Variants in AGGF1 observed in about 807,000 individuals in gnomAD.
AGGF1 encodes the protein angiogenic factor with G patch and FHA domains 1.
Under a neutral mutation model 86.5 loss-of-function variants are expected in AGGF1, and 56 were observed. The observed-to-expected ratio is 0.65, with a 90% CI of 0.52 to 0.81. The LOEUF is 0.81. Among genes scored for constraint, AGGF1 ranks in the 30% least tolerant of loss-of-function variants. The pLI, the probability that AGGF1 is intolerant of heterozygous loss-of-function variation, is 0.00. For missense variants in AGGF1, 816 were observed against 850.9 expected, an observed-to-expected ratio of 0.96 and a Z score of 0.51; for synonymous variants, 313 against 297.1, an observed-to-expected ratio of 1.05 and a Z score of -0.55.
chr5:77,061,875 G>A (rs116177220), intron 13 of AGGF1, 73 bp downstream of exon 13: 36,293 of 1,394,958 alleles, frequency 0.026, 562 homozygotes, highest in Non-Finnish European at 0.03. Context: ...TGTGCCAAAC[G>A]TTGCCTTAAG....
At chr5:77,035,441 T>C in intron 2 of AGGF1, 100 bp from the exon 3 acceptor site, 4 of 837,338 alleles carry the variant, frequency 4.8e-6, no homozygotes, top group Non-Finnish European at 7.7e-6. Context: ...TTATTTGAAG[T>C]ATGTGCTTTT....
Position 77,030,542 on chromosome 5 carries a change from G to C in AGGF1, c.-225G>C, listed in dbSNP as rs1746819726. ...AGGAAAGTTTTCCGGTTTGCAGGCC[G>C]CGCACATCGGGCAGGGGCCATCCTC... On this transcript the variant is annotated 5_prime_UTR_variant, in exon 1 of 14. Coordinates refer to ENST00000312916, the MANE Select transcript of AGGF1 (RefSeq NM_018046.5). 2.9e-6 allele frequency: 2 copies of C among 694,990 alleles called. No homozygotes were observed. The highest frequency in any genetic ancestry group is 3.0e-5 in the South Asian group (2 of 66,756). The allele number at this position is 694,990 out of a possible 1,614,324, so 43.1% of individuals were successfully genotyped here.
chr5:77,030,718 GC>G lies in AGGF1; in HGVS notation c.-47del. 1 of 1,539,480 alleles carries G rather than the reference GC, an allele frequency of 6.5e-7. No individual in the cohort carries two copies. Among genetic ancestry groups the G allele is most frequent in the Non-Finnish European group, 8.7e-7 (1 of 1,148,060 alleles). On this transcript the variant is annotated 5_prime_UTR_variant, in exon 1 of 14. An upstream open reading frame in the 5' UTR loses its in-frame stop. Coordinates refer to ENST00000312916, the MANE Select transcript of AGGF1 (RefSeq NM_018046.5). Reference sequence around the variant, plus strand: ...TCTGGGTCCGCCGGCGTCCGTTTCGGCCTGAACGCAGCCCCTCCGCGGCGAC... The same window carrying G: ...TCTGGGTCCGCCGGCGTCCGTTTCGGCTGAACGCAGCCCCTCCGCGGCGAC...
chr5:77,054,858 GCATGAA>G (rs1747433332), intron 10 of AGGF1, among the ~76,000 whole-genome samples: 1 of 152,078 alleles, frequency 6.6e-6, no homozygotes, highest in African/African-American at 2.4e-5. Flanking sequence ...ATAAGCCAAG[GCATGAA>G]GGGTTATTGA....
intron 13 of AGGF1, 98 bp downstream of exon 13, chr5:77,061,900 T>C: frequency 8.7e-7 from 1 of 1,144,718 alleles, no homozygotes; most frequent in East Asian, 2.4e-5. Flanking sequence ...AAGAATATAG[T>C]AGAAAGCAAA....
chr5:77,039,590 T>C lies in AGGF1; in HGVS notation c.741T>C (p.Ser247=). The C allele has an allele frequency of 6.2e-7, 1 of 1,613,182 alleles. No homozygotes were observed. The highest frequency in any genetic ancestry group is 8.5e-7 in the Non-Finnish European group (1 of 1,179,552). Residue 247 remains serine (S), a synonymous_variant, in exon 5 of 14, where the codon AGT becomes AGC. Coordinates refer to ENST00000312916, the MANE Select transcript of AGGF1 (RefSeq NM_018046.5). The part of the protein sequence containing the change: ...TGIYYYCDVE[S]GRYQFHSRVD... The stretch of plus-strand genomic sequence containing the variant: ...TTTATTACTATTGTGATGTGGAAAG[T>C]GGTCGTTATCAGTTTCATTCTCGAG...
At chr5:77,046,279 A>G in intron 5 of AGGF1, 68 bp from the exon 6 acceptor site, 3 of 1,292,834 alleles carry the variant, frequency 2.3e-6, no homozygotes, top group South Asian at 1.2e-5. Context: ...ACTTGATGTA[A>G]TGTTATAAGA....
At chr5:77,055,763 G>T (rs929750765) in intron 11 of AGGF1, among the ~76,000 whole-genome samples, 167 bp downstream of exon 11, 1 of 152,186 alleles carries the variant, frequency 6.6e-6, no homozygotes, top group South Asian at 2.1e-4. Context: ...AACTATTGAA[G>T]TTGGAGTAGA....
In AGGF1 at chr5:77,063,408, A is replaced by AT. The variant is rs1459707597; in HGVS notation, c.*163dup. 6.1e-6 allele frequency: 5 copies of AT among 821,580 alleles called. No homozygotes were observed. Among genetic ancestry groups the AT allele is most frequent in the Non-Finnish European group, 7.6e-6 (4 of 525,344 alleles). 50.9% of individuals were successfully genotyped at this position (821,580 alleles called of 1,614,324 possible). ...GTATGGTTTGCAGCTTTTAAAAACC[A>AT]TTTTTTTAAAACTAATAAATAGTGA... On this transcript the variant is annotated 3_prime_UTR_variant, in exon 14 of 14. Transcript: ENST00000312916.
At chr5:77,037,835 A>T (rs545313344) in intron 4 of AGGF1, among the ~76,000 whole-genome samples, 3 of 152,344 alleles carry the variant, frequency 2.0e-5, no homozygotes, top group Admixed American at 6.5e-5. Flanking sequence ...TTAATATGGG[A>T]TCTAAAATAT....
Position 77,035,599 on chromosome 5 carries a change from G to T in AGGF1, c.372G>T (p.Leu124=). 6.2e-7 allele frequency: 1 copy of T among 1,613,524 alleles called. No individual in the cohort carries two copies. The highest frequency in any genetic ancestry group is 8.5e-7 in the Non-Finnish European group (1 of 1,179,682). ...GTCTTCCAAATAAAGTGACTGAACTGTCAGATCAACAAGATCAAGCTATCG... is the reference window on the plus strand; with the variant it reads ...GTCTTCCAAATAAAGTGACTGAACTTTCAGATCAACAAGATCAAGCTATCG... The part of the protein sequence containing the change: ...DVSLPNKVTE[L]SDQQDQAIET... The change falls in exon 3 of 14, where the codon CTG becomes CTT. Residue 124 remains leucine (L), a synonymous_variant. Transcript: ENST00000312916.
intron 11 of AGGF1, among the ~76,000 whole-genome samples, 186 bp downstream of exon 11, chr5:77,055,782 A>G (rs888283894): frequency 1.3e-5 from 2 of 152,258 alleles, no homozygotes; most frequent in African/African-American, 4.8e-5. Context: ...GAAAAATGAT[A>G]ATAGCCTACA....
chr5:77,043,527 G>GT (rs1307058854), intron 5 of AGGF1, among the ~76,000 whole-genome samples: 1,004 of 99,062 alleles, frequency 0.01, no homozygotes, highest in Non-Finnish European at 0.013. Flanking sequence ...GGCTGGCCGG[G>GT]CGGGGGGCTG....
chr5:77,035,019 T>C (rs890958437), intron 2 of AGGF1, among the ~76,000 whole-genome samples: 1 of 152,248 alleles, frequency 6.6e-6, no homozygotes, highest in Non-Finnish European at 1.5e-5. Context: ...AAGTTTTGCC[T>C]TGCTTCAGTC....
intron 5 of AGGF1, among the ~76,000 whole-genome samples, chr5:77,045,115 A>C (rs1747220062): frequency 6.6e-6 from 1 of 151,870 alleles, no homozygotes; most frequent in Admixed American, 6.6e-5. Flanking sequence ...CATATTTTAT[A>C]AAATAACAGA....
intron 5 of AGGF1, among the ~76,000 whole-genome samples, chr5:77,041,696 C>G (rs1747085366): frequency 6.6e-6 from 1 of 150,950 alleles, no homozygotes; most frequent in Non-Finnish European, 1.5e-5. Flanking sequence ...GGAAAGCATT[C>G]TGTGATATTT....
intron 6 of AGGF1, among the ~76,000 whole-genome samples, chr5:77,047,654 C>T (rs990270493): frequency 1.3e-5 from 2 of 152,068 alleles, no homozygotes; most frequent in Non-Finnish European, 2.9e-5. Context: ...GCTGGGACTA[C>T]AGGCGCATGT....
chr5:77,062,424 T>C (rs1234055120), intron 13 of AGGF1, among the ~76,000 whole-genome samples: 1 of 152,206 alleles, frequency 6.6e-6, no homozygotes, highest in African/African-American at 2.4e-5. Context: ...GATTTTGTAG[T>C]CAGACCTAGG....
chr5:77,052,013 A>G (rs1747379638), intron 8 of AGGF1, among the ~76,000 whole-genome samples: 1 of 152,184 alleles, frequency 6.6e-6, no homozygotes, highest in Non-Finnish European at 1.5e-5. Context: ...CATCTTGGAA[A>G]CTTCTCTGAG....
Sources: allele counts gnomAD v4.1 joint callset (sites outside exome capture counted in the v4.1 genomes callset), GRCh38; gene constraint gnomAD v4.1.1; transcripts MANE v1.5; gene names NCBI Gene and HGNC (gene_info 2026-07-23, HGNC 2026-07-21).